The following BCAS1 variants were observed in gnomAD, a reference collection of about 807,000 sequenced individuals.
The protein encoded by BCAS1 is brain enriched myelin associated protein 1.
BCAS1 carries 46 observed loss-of-function variants against 65.4 expected under a neutral mutation model. The observed-to-expected ratio is 0.70, with a 90% CI of 0.55 to 0.90. The LOEUF is 0.90. BCAS1 is among the 40% of genes least tolerant of loss of function. The probability of loss-of-function intolerance (pLI) is 0.00; values close to 1 mark genes in which losing one functional copy is unlikely to be tolerated. For synonymous variants in BCAS1, 298 were observed against 293.5 expected (o/e 1.02, Z -0.16); for missense variants, 793 against 771.2 (o/e 1.03, Z -0.33).
At position 53,953,425 on chromosome 20, in the gene BCAS1, C is replaced by T. The variant is rs1012580909; in HGVS notation, c.1815+7G>A. On this transcript the variant is annotated splice_region_variant and intron_variant, in intron 12 of 12. Transcript: ENST00000688948. Reference sequence around the variant, plus strand: ...CCAGAAAGAAGAGGCAAAAAAAATCCACCTACCAGGCCTTTAAAGAAGCCC... The same window carrying T: ...CCAGAAAGAAGAGGCAAAAAAAATCTACCTACCAGGCCTTTAAAGAAGCCC... The T allele has an allele frequency of 1.3e-5, 21 of 1,612,234 alleles. No individual in the cohort carries two copies. The highest frequency in any genetic ancestry group is 1.2e-4 in the African/African-American group (9 of 74,746).
chr20:53,968,150 C>T (rs779411789), intron 9 of BCAS1, among the ~76,000 whole-genome samples: 3 of 152,230 alleles, frequency 2.0e-5, no homozygotes, highest in Non-Finnish European at 4.4e-5. Context: ...CACGCGACCA[C>T]GCCTGATGGA....
At chr20:54,007,081 G>T (rs971496313) in intron 4 of BCAS1, among the ~76,000 whole-genome samples, 1 of 152,198 alleles carries the variant, frequency 6.6e-6, no homozygotes, top group African/African-American at 2.4e-5. Flanking sequence ...TAGCTCTTCT[G>T]ATCCCCAGCC....
At chr20:53,993,534 G>A (rs890568886) in intron 6 of BCAS1, among the ~76,000 whole-genome samples, 1 of 152,184 alleles carries the variant, frequency 6.6e-6, no homozygotes, top group African/African-American at 2.4e-5. Context: ...GATTTTATCA[G>A]CTGGGTACGT....
At chr20:53,950,343 T>C (rs1335870993) in intron 12 of BCAS1, among the ~76,000 whole-genome samples, 1 of 152,150 alleles carries the variant, frequency 6.6e-6, no homozygotes, top group African/African-American at 2.4e-5. Flanking sequence ...AGCCTTGCTC[T>C]CTTCCTGTCT....
At chr20:54,028,110 G>A (rs568128142) in intron 4 of BCAS1, among the ~76,000 whole-genome samples, 21 of 152,182 alleles carry the variant, frequency 1.4e-4, no homozygotes, top group African/African-American at 4.1e-4. Context: ...GTCTACTTCC[G>A]CCTTTGAAAA....
intron 10 of BCAS1, among the ~76,000 whole-genome samples, chr20:53,958,810 T>C (rs1285291364): frequency 6.6e-6 from 1 of 152,162 alleles, no homozygotes; most frequent in Non-Finnish European, 1.5e-5. Context: ...TCAAAGATAC[T>C]AGCATCACCA....
chr20:53,981,634 T>A lies in BCAS1; in HGVS notation c.1275+3653A>T, dbSNP rs565688152. 4.6e-5 allele frequency among the ~76,000 whole-genome samples: 7 copies of A among 152,034 alleles called. No homozygotes were observed. In the East Asian group the frequency reaches 5.8e-4, roughly 13 times the overall value. On this transcript the variant is annotated intron_variant, in intron 8 of 12. Coordinates refer to ENST00000688948, the MANE Select transcript of BCAS1 (RefSeq NM_001366298.2). Reference sequence around the variant, plus strand: ...ACTGAAGAAACTGAGGCTCAAGAGTTTAAGTGCTCCACTAAAATTTAAACA... The same window carrying A: ...ACTGAAGAAACTGAGGCTCAAGAGTATAAGTGCTCCACTAAAATTTAAACA...
chr20:53,953,688 T>C lies in BCAS1; in HGVS notation c.1559A>G (p.Asp520Gly), dbSNP rs1232790421. The change falls in exon 12 of 13, where the codon GAC (aspartate) becomes GGC (glycine). Residue 520 changes from aspartate (D) to glycine (G), a missense_variant. Asp to Gly is a moderately conservative substitution (Grantham distance 94). Coordinates refer to ENST00000688948, the MANE Select transcript of BCAS1 (RefSeq NM_001366298.2). ...NGKDSSCQTSDSTEKTITPPE... is the reference protein window; with the variant it reads ...NGKDSSCQTSGSTEKTITPPE... ...CGGTGTGATAGTCTTTTCTGTGGAG[T>C]CTGATGTCTACAGCAATTTCAAACA... The C allele has an allele frequency of 6.2e-7, 1 of 1,612,232 alleles. No homozygotes were observed. The highest frequency in any genetic ancestry group is 8.5e-7 in the Non-Finnish European group (1 of 1,178,940).
intron 4 of BCAS1, among the ~76,000 whole-genome samples, chr20:54,010,859 G>C: frequency 6.6e-6 from 1 of 152,166 alleles, no homozygotes; most frequent in East Asian, 1.9e-4. Context: ...AGTAAGCAAG[G>C]CTGTATGGTA....
At chr20:53,964,579 C>T (rs924437875) in intron 10 of BCAS1, among the ~76,000 whole-genome samples, 5 of 152,158 alleles carry the variant, frequency 3.3e-5, no homozygotes, top group African/African-American at 1.2e-4. Flanking sequence ...AAAAGTGTGT[C>T]CTCACCTACC....
chr20:53,951,806 G>T (rs1476986059), intron 12 of BCAS1, among the ~76,000 whole-genome samples: 1 of 152,202 alleles, frequency 6.6e-6, no homozygotes, highest in Non-Finnish European at 1.5e-5. Flanking sequence ...TCACATCAAT[G>T]AAACCACTGC....
chr20:54,043,513 C>T (rs1325678884), intron 3 of BCAS1, among the ~76,000 whole-genome samples: 2 of 152,044 alleles, frequency 1.3e-5, no homozygotes, highest in Non-Finnish European at 2.9e-5. Flanking sequence ...ATTGAAATAT[C>T]TTATTATTGG....
In BCAS1 at chr20:54,039,687, AT is replaced by A. The variant is rs561340800; in HGVS notation, c.143-10716del. 3.6e-4 allele frequency among the ~76,000 whole-genome samples: 54 copies of A among 150,462 alleles called. 1 individual carries two copies. The highest frequency in any genetic ancestry group is 5.9e-4 in the Non-Finnish European group (40 of 67,274). Reference sequence around the variant, plus strand: ...AAAGACAAATCAGATGTTTCATTTGATTTTTTTTATAAATCTGATAATAATG... The same window carrying A: ...AAAGACAAATCAGATGTTTCATTTGATTTTTTTATAAATCTGATAATAATG... On this transcript the variant is annotated intron_variant, in intron 3 of 12. Transcript: ENST00000688948.
At position 53,949,204 on chromosome 20, in the gene BCAS1, GCACA is replaced by G. The variant is rs60877872; in HGVS notation, c.1816-4212_1816-4209del. 1.2e-3 allele frequency among the ~76,000 whole-genome samples: 97 copies of G among 84,338 alleles called. No homozygotes were observed. In the Middle Eastern group the frequency reaches 0.02, roughly 17 times the overall value. 55.3% of individuals were successfully genotyped at this position (84,338 alleles called of 152,430 possible). ...TGTGTGTGCGTATATGCATATATCC[GCACA>G]CACACACACACACACCCAGGTTTTG... On this transcript the variant is annotated intron_variant, in intron 12 of 12. Coordinates refer to ENST00000688948, the MANE Select transcript of BCAS1 (RefSeq NM_001366298.2).
At chr20:53,973,888 C>T (rs928001386) in intron 9 of BCAS1, among the ~76,000 whole-genome samples, 2 of 152,090 alleles carry the variant, frequency 1.3e-5, no homozygotes, top group East Asian at 1.9e-4. Context: ...TGTCCTGGGT[C>T]GAGTGGAGAC....
At chr20:54,010,068 G>A (rs2091287422) in intron 4 of BCAS1, among the ~76,000 whole-genome samples, 1 of 152,110 alleles carries the variant, frequency 6.6e-6, no homozygotes, top group Non-Finnish European at 1.5e-5. Context: ...GTAACAGAGG[G>A]TGCTTCCTCA....
intron 4 of BCAS1, among the ~76,000 whole-genome samples, chr20:54,013,971 G>A (rs2091377705): frequency 3.9e-5 from 6 of 152,132 alleles, no homozygotes; most frequent in Admixed American, 3.9e-4. Flanking sequence ...ATAATTTTTT[G>A]TTTTGAACAG....
At chr20:53,948,417 C>T (rs999195683) in intron 12 of BCAS1, among the ~76,000 whole-genome samples, 1 of 152,196 alleles carries the variant, frequency 6.6e-6, no homozygotes, top group Non-Finnish European at 1.5e-5. Context: ...AAATTCTCCA[C>T]CTTTGTTATT....
At chr20:54,028,274 G>A in intron 4 of BCAS1, 118 bp downstream of exon 4, 2 of 988,580 alleles carry the variant, frequency 2.0e-6, no homozygotes, top group South Asian at 1.4e-5. Flanking sequence ...TTCTAGAGGG[G>A]TCAACAGCTT....
Sources: gnomAD v4.1 joint callset for allele counts (sites outside exome capture counted in the v4.1 genomes callset) on GRCh38, gnomAD v4.1.1 for gene constraint, MANE v1.5 for transcripts, NCBI Gene and HGNC (gene_info 2026-07-23, HGNC 2026-07-21) for gene names.